Variants in MAST4 observed in about 807,000 individuals in gnomAD.
MAST4 encodes the protein microtubule associated serine/threonine kinase family member 4.
In MAST4, 89 loss-of-function variants were observed where a neutral mutation model predicts 162.7. The observed-to-expected ratio is 0.55, with a 90% CI of 0.46 to 0.65. MAST4 has a LOEUF of 0.65. MAST4 is among the 30% of genes least tolerant of loss of function. The pLI is 0.00. For missense variants in MAST4, 3,153 were observed against 3,374.0 expected, an observed-to-expected ratio of 0.93 and a Z score of 1.62; for synonymous variants, 1,479 against 1,361.1, an observed-to-expected ratio of 1.09 and a Z score of -1.91.
At chr5:66,905,062 T>G (rs778672319) in intron 4 of MAST4, among the ~76,000 whole-genome samples, 12 of 152,154 alleles carry the variant, frequency 7.9e-5, no homozygotes, top group Middle Eastern at 3.4e-3. Context: ...TCCTAGCACT[T>G]TGGGAGGCCA....
chr5:66,808,289 A>G (rs1475893176), intron 3 of MAST4, among the ~76,000 whole-genome samples: 1 of 152,182 alleles, frequency 6.6e-6, no homozygotes, highest in Non-Finnish European at 1.5e-5. Flanking sequence ...AAGGAGGTGA[A>G]GTGTTAAATG....
chr5:66,705,113 C>T (rs748509063), intron 1 of MAST4, among the ~76,000 whole-genome samples: 5 of 152,158 alleles, frequency 3.3e-5, no homozygotes, highest in Non-Finnish European at 7.4e-5. Flanking sequence ...AGAAATGTCC[C>T]GTAAGCCATC....
rs1378030194 is a variant in MAST4, at chr5:66,819,802, C to A, written c.642+31008C>A. ...TTTTTTTTTTTTTTTCCAACAGGGT[C>A]TCACTCTGTCCCCAAGGCTGGAGTG... On this transcript the variant is annotated intron_variant, in intron 3 of 28. Transcript: ENST00000403625. 5.0e-5 allele frequency among the ~76,000 whole-genome samples: 7 copies of A among 140,988 alleles called. No homozygotes were observed. The East Asian group carries it at 1.4e-3, about 29-fold the overall frequency. 92.5% of individuals were successfully genotyped at this position (140,988 alleles called of 152,430 possible). A position where few individuals can be genotyped will look rare whatever the true frequency, so the allele number is the denominator to read the frequency against.
At chr5:67,074,647 A>G (rs1240710845) in intron 5 of MAST4, among the ~76,000 whole-genome samples, 2 of 152,210 alleles carry the variant, frequency 1.3e-5, no homozygotes, top group Non-Finnish European at 2.9e-5. Context: ...ATCTAATAGC[A>G]TAGGAAGATT....
At chr5:67,024,830 A>G (rs956606178) in intron 4 of MAST4, among the ~76,000 whole-genome samples, 2 of 137,746 alleles carry the variant, frequency 1.5e-5, no homozygotes, top group Admixed American at 7.0e-5. Flanking sequence ...TGGGGATCCC[A>G]TGTTTTTTTT....
intron 4 of MAST4, among the ~76,000 whole-genome samples, chr5:66,972,300 G>C (rs564406912): frequency 5.3e-5 from 8 of 152,250 alleles, no homozygotes; most frequent in African/African-American, 1.9e-4. Context: ...AAATTTCATG[G>C]ATTCTTAGGC....
In MAST4 at chr5:67,104,758, A is replaced by G. The variant is rs554663758; in HGVS notation, c.1356+183A>G. Among the ~76,000 whole-genome samples the G allele has an allele frequency of 2.2e-4, 33 of 151,828 alleles. 1 individual carries two copies. Among genetic ancestry groups the G allele is most frequent in the Middle Eastern group, 3.5e-3 (1 of 288 alleles). ...TATAAATTGATTCTGGTCTTTATTTATAGTAATAGAAAATTAATGTAATAA... is the reference window on the plus strand; with the variant it reads ...TATAAATTGATTCTGGTCTTTATTTGTAGTAATAGAAAATTAATGTAATAA... On this transcript the variant is annotated intron_variant, in intron 10 of 28. Coordinates refer to ENST00000403625, the MANE Select transcript of MAST4 (RefSeq NM_001164664.2).
At chr5:66,674,105 T>C (rs569249984) in intron 1 of MAST4, among the ~76,000 whole-genome samples, 4 of 152,324 alleles carry the variant, frequency 2.6e-5, no homozygotes, top group African/African-American at 9.6e-5. Context: ...TGGCTAATCA[T>C]TGGGTCATAC....
At chr5:66,833,779 A>G (rs576948109) in intron 3 of MAST4, among the ~76,000 whole-genome samples, 93 of 152,314 alleles carry the variant, frequency 6.1e-4, no homozygotes, top group Non-Finnish European at 1.3e-3. Flanking sequence ...ATCCTATAAC[A>G]TGCATTATTT....
intron 5 of MAST4, among the ~76,000 whole-genome samples, chr5:67,078,556 CATT>C (rs995797103): frequency 2.4e-4 from 35 of 148,580 alleles, no homozygotes; most frequent in Non-Finnish European, 4.0e-4. Flanking sequence ...TATAGCAAAA[CATT>C]ATATTGTACA....
At chr5:67,127,305 T>C (rs1431440384) in intron 14 of MAST4, among the ~76,000 whole-genome samples, 1 of 152,164 alleles carries the variant, frequency 6.6e-6, no homozygotes, top group East Asian at 1.9e-4. Flanking sequence ...CATCCTTGTG[T>C]GGTGCTGGTT....
At chr5:67,078,911 A>AT (rs1762154054) in intron 5 of MAST4, among the ~76,000 whole-genome samples, 3 of 38,104 alleles carry the variant, frequency 7.9e-5, no homozygotes, top group African/African-American at 1.2e-4. Flanking sequence ...TTTTTATATA[A>AT]ATATATATAT....
chr5:66,702,536 C>T (rs1235589207), intron 1 of MAST4, among the ~76,000 whole-genome samples: 30 of 151,992 alleles, frequency 2.0e-4, no homozygotes, highest in Admixed American at 1.9e-3. Flanking sequence ...GAAGGCCTTT[C>T]GGTTAGGGTA....
rs150250850 is a variant in MAST4, at chr5:66,882,911, C to G, written c.643-17040C>G. On this transcript the variant is annotated intron_variant, in intron 3 of 28. Transcript: ENST00000403625. ...TGTTTAGCACCTACTTGAAAAATTA[C>G]CGATACAAGAAGAAGCAAAAACTCC... Among the ~76,000 whole-genome samples, 211 of 152,218 alleles carry G rather than the reference C, an allele frequency of 1.4e-3. 2 individuals carry two copies. Among genetic ancestry groups the G allele is most frequent in the Admixed American group, 8.8e-3 (134 of 15,296 alleles).
At chr5:66,853,504 G>T (rs1305801974) in intron 3 of MAST4, among the ~76,000 whole-genome samples, 2 of 152,190 alleles carry the variant, frequency 1.3e-5, no homozygotes, top group African/African-American at 4.8e-5. Context: ...TTAGTATATG[G>T]TGAGAGGGAA....
rs557583890 is a variant in MAST4, at chr5:66,749,872, A to T, written c.364-9837A>T. On this transcript the variant is annotated intron_variant, in intron 1 of 28. Transcript: ENST00000403625. ...GAATAATGAGTGTTTTAACTGTAGA[A>T]GCCTGTTCTATCAAATTTTAAAATA... 2.0e-5 allele frequency among the ~76,000 whole-genome samples: 3 copies of T among 152,334 alleles called. No homozygotes were observed. The South Asian group carries it at 6.2e-4, about 32-fold the overall frequency.
intron 4 of MAST4, among the ~76,000 whole-genome samples, chr5:67,013,189 G>A (rs1457312228): frequency 6.6e-6 from 1 of 152,160 alleles, no homozygotes; most frequent in African/African-American, 2.4e-5. Flanking sequence ...CATCTGGTAG[G>A]CCAACCACCA....
chr5:67,137,640 A>G (rs1166823096), intron 19 of MAST4, among the ~76,000 whole-genome samples: 1 of 152,214 alleles, frequency 6.6e-6, no homozygotes, highest in Non-Finnish European at 1.5e-5. Context: ...CTGTTGGAGG[A>G]CCTGTTCTTA....
intron 24 of MAST4, 91 bp from the exon 25 acceptor site, chr5:67,152,546 C>T: frequency 1.0e-6 from 1 of 957,716 alleles, no homozygotes; most frequent in Non-Finnish European, 1.7e-6. Flanking sequence ...GACTATGCCC[C>T]CAGTCCTGGC....
Sources: allele counts gnomAD v4.1 joint callset (sites outside exome capture counted in the v4.1 genomes callset), GRCh38; gene constraint gnomAD v4.1.1; transcripts MANE v1.5; gene names NCBI Gene and HGNC (gene_info 2026-07-23, HGNC 2026-07-21).